PPIL6: variants seen among roughly 807,000 people sequenced by gnomAD.
PPIL6 encodes peptidylprolyl isomerase like 6.
In PPIL6, 39 loss-of-function variants were observed where a neutral mutation model predicts 36.8. The observed-to-expected ratio is 1.06, with a 90% CI of 0.82 to 1.38. The LOEUF is 1.38. Among genes scored for constraint, PPIL6 ranks in the 40% most tolerant of loss-of-function variants. PPIL6 has a pLI of 0.00. For missense variants in PPIL6, 368 were observed against 379.1 expected (o/e 0.97, Z 0.24); for synonymous variants, 123 against 134.1 (o/e 0.92, Z 0.57).
intron 5 of PPIL6, among the ~76,000 whole-genome samples, chr6:109,422,403 G>A (rs1009472304): frequency 2.0e-5 from 3 of 152,114 alleles, no homozygotes; most frequent in Admixed American, 2.0e-4. Flanking sequence ...ACCAGCCTGG[G>A]CAACATACAG....
chr6:109,392,563 C>A lies in PPIL6; in HGVS notation c.*263G>T. ...GGGAAGGGGCAGGACCACTGGCGTT[C>A]TATTCCTGTCCCACTGGCCAGAACC... On this transcript the variant is annotated 3_prime_UTR_variant, in exon 8 of 8. Coordinates refer to ENST00000521072, the MANE Select transcript of PPIL6 (RefSeq NM_173672.5). The A allele has an allele frequency of 2.8e-6, 1 of 356,174 alleles. No individual in the cohort carries two copies. The highest frequency in any genetic ancestry group is 5.0e-6 in the Non-Finnish European group (1 of 198,448). 22.1% of individuals were successfully genotyped at this position (356,174 alleles called of 1,614,324 possible).
At chr6:109,408,468 ACTTG>A (rs1361881415) in intron 6 of PPIL6, among the ~76,000 whole-genome samples, 1 of 152,148 alleles carries the variant, frequency 6.6e-6, no homozygotes, top group Non-Finnish European at 1.5e-5. Flanking sequence ...AAACATTTTC[ACTTG>A]AGATATATAA....
intron 3 of PPIL6, among the ~76,000 whole-genome samples, chr6:109,428,416 A>G (rs531294292): frequency 1.3e-5 from 2 of 152,080 alleles, no homozygotes; most frequent in East Asian, 3.9e-4. Flanking sequence ...GCTGGGCATG[A>G]TGGCATGTGT....
chr6:109,436,112 T>TC lies in PPIL6; in HGVS notation c.222dup (p.Lys75GlufsTer8), dbSNP rs1774432202. On this transcript the variant is annotated frameshift_variant, in exon 2 of 8. Transcript: ENST00000521072. LOFTEE classifies it high-confidence loss of function. ...CCCCAAATATCCTTTACCCTTTTTT[T>TC]CTCCTGTAGATATTGATGCCATGCA... is the stretch of plus-strand genomic sequence containing the variant. 6.5e-7 allele frequency: 1 copy of TC among 1,547,566 alleles called. No individual in the cohort carries two copies.
chr6:109,438,667 A>C (rs1324378578), intron 1 of PPIL6, among the ~76,000 whole-genome samples: 1 of 151,868 alleles, frequency 6.6e-6, no homozygotes, highest in African/African-American at 2.4e-5. Context: ...CAGCTCACCG[A>C]AACCTCCACC....
chr6:109,401,884 C>T (rs985131315), intron 6 of PPIL6, among the ~76,000 whole-genome samples: 4 of 151,934 alleles, frequency 2.6e-5, no homozygotes, highest in Non-Finnish European at 2.9e-5. Context: ...CCACCACGCC[C>T]GGCTAATTTT....
intron 5 of PPIL6, among the ~76,000 whole-genome samples, chr6:109,425,069 CT>C (rs1773744238): frequency 6.6e-6 from 1 of 152,190 alleles, no homozygotes; most frequent in African/African-American, 2.4e-5. Context: ...AACTGGACAT[CT>C]GTAGGGAGAG....
rs1450532893 is a variant in PPIL6, at chr6:109,391,282, C to CGTCT, written c.*1540_*1543dup. The CGTCT allele has an allele frequency of 8.6e-6, 1 of 115,654 alleles. No homozygotes were observed. Among genetic ancestry groups the CGTCT allele is most frequent in the East Asian group, 2.5e-4 (1 of 4,080 alleles). 7.2% of individuals were successfully genotyped at this position (115,654 alleles called of 1,614,324 possible). ...CAGCCTGGGCGACAGAGTGAGATTC[C>CGTCT]GTCTCAAAAAAAAAAAAAAAAAAAA... is the stretch of plus-strand genomic sequence containing the variant. On this transcript the variant is annotated 3_prime_UTR_variant, in exon 8 of 8. Coordinates refer to ENST00000521072, the MANE Select transcript of PPIL6 (RefSeq NM_173672.5).
chr6:109,398,281 G>A (rs1174833362), intron 7 of PPIL6, among the ~76,000 whole-genome samples: 9 of 152,216 alleles, frequency 5.9e-5, no homozygotes, highest in Non-Finnish European at 1.0e-4. Flanking sequence ...TTTACGTTAT[G>A]CATCTATTAA....
At position 109,426,980 on chromosome 6, in the gene PPIL6, C is replaced by A. The variant is rs1773852639; in HGVS notation, c.498G>T (p.Val166=). 6.2e-7 allele frequency: 1 copy of A among 1,604,270 alleles called. No individual in the cohort carries two copies. The highest frequency in any genetic ancestry group is 2.2e-5 in the East Asian group (1 of 44,576). Residue 166 remains valine, a synonymous_variant, in exon 5 of 8, where the codon GTG becomes GTT. Transcript: ENST00000521072. ...GAAAATTTTTACATGTTTTGGGACA[C>A]ACATCACAGTATAGCTACAAAATAA... ...GRLIFELYCD[V]CPKTCKNFQV... is the part of the protein sequence containing the mutation.
At chr6:109,436,516 G>A (rs1438139611) in intron 1 of PPIL6, among the ~76,000 whole-genome samples, 1 of 152,056 alleles carries the variant, frequency 6.6e-6, no homozygotes, top group East Asian at 1.9e-4. Context: ...TCAGGAGATT[G>A]AGACCAGCCT....
chr6:109,393,197 G>A (rs1438336203), intron 7 of PPIL6, among the ~76,000 whole-genome samples: 1 of 149,350 alleles, frequency 6.7e-6, no homozygotes, highest in Non-Finnish European at 1.5e-5. Flanking sequence ...CCTCCCCTCT[G>A]TTTTTCTCCC....
chr6:109,420,649 C>T (rs961015274), intron 5 of PPIL6, among the ~76,000 whole-genome samples: 1 of 152,190 alleles, frequency 6.6e-6, no homozygotes, highest in Admixed American at 6.5e-5. Flanking sequence ...TCTCCCCCAT[C>T]CTCCCCATCA....
intron 6 of PPIL6, among the ~76,000 whole-genome samples, chr6:109,400,979 C>G (rs986633776): frequency 1.6e-4 from 24 of 151,880 alleles, no homozygotes; most frequent in African/African-American, 5.3e-4. Context: ...CCTGCCTCAG[C>G]CTCCCGAGTA....
At chr6:109,440,007 T>C (rs1774713754) in intron 1 of PPIL6, among the ~76,000 whole-genome samples, 3 of 152,086 alleles carry the variant, frequency 2.0e-5, no homozygotes. Flanking sequence ...AAGAAAAGAA[T>C]CTCCCCGCAT....
At position 109,428,250 on chromosome 6, in the gene PPIL6, G is replaced by A. The variant is rs73762722; in HGVS notation, c.421-1094C>T. On this transcript the variant is annotated intron_variant, in intron 3 of 7. Transcript: ENST00000521072. ...TTAATGGAGTACATTTCAAGTCTTG[G>A]GCACCATTCTCCTACATTAAAATGC... is the stretch of plus-strand genomic sequence containing the variant. 4.4e-3 allele frequency among the ~76,000 whole-genome samples: 664 copies of A among 152,056 alleles called. 9 individuals carry two copies. The highest frequency in any genetic ancestry group is 0.015 in the African/African-American group (641 of 41,450).
intron 1 of PPIL6, among the ~76,000 whole-genome samples, chr6:109,437,543 CT>C (rs1292305974): frequency 7.5e-6 from 1 of 133,632 alleles, no homozygotes; most frequent in African/African-American, 2.8e-5. Flanking sequence ...ACTACTATTT[CT>C]TTTCTTTTTT....
intron 3 of PPIL6, among the ~76,000 whole-genome samples, chr6:109,428,446 G>A (rs1309911029): frequency 6.6e-6 from 1 of 151,306 alleles, no homozygotes; most frequent in Non-Finnish European, 1.5e-5. Flanking sequence ...CAGCTACTTG[G>A]AAGGCTGAGG....
intron 3 of PPIL6, among the ~76,000 whole-genome samples, chr6:109,430,678 G>A (rs1304422506): frequency 6.6e-6 from 1 of 152,152 alleles, no homozygotes; most frequent in African/African-American, 2.4e-5. Flanking sequence ...ACCTGCCTTG[G>A]CCTCCCAAAG....
Sources: allele counts gnomAD v4.1 joint callset (sites outside exome capture counted in the v4.1 genomes callset), GRCh38; gene constraint gnomAD v4.1.1; transcripts MANE v1.5; gene names NCBI Gene and HGNC (gene_info 2026-07-23, HGNC 2026-07-21).